Variants in PPARGC1B observed in about 807,000 individuals in gnomAD.
The protein encoded by PPARGC1B is PPARG coactivator 1 beta, also known as peroxisome proliferator-activated receptor gamma coactivator 1-beta.
Under a neutral mutation model 101.6 loss-of-function variants are expected in PPARGC1B, and 34 were observed. The ratio of observed to expected loss-of-function variants is 0.33; its 90% CI spans 0.25 to 0.45. PPARGC1B has a LOEUF of 0.45. PPARGC1B is among the 20% of genes least tolerant of loss of function. PPARGC1B has a pLI of 1.00. For synonymous variants in PPARGC1B, 548 were observed against 539.3 expected (o/e 1.02, Z -0.22); for missense variants, 1,234 against 1,317.6 (o/e 0.94, Z 0.98).
chr5:149,745,326 GT>G (rs777963550), intron 1 of PPARGC1B, among the ~76,000 whole-genome samples: 4 of 152,164 alleles, frequency 2.6e-5, no homozygotes, highest in Non-Finnish European at 4.4e-5. Flanking sequence ...CTAATCAGTG[GT>G]TCTCAGCCAT....
chr5:149,840,547 G>A (rs1031248564), intron 9 of PPARGC1B, among the ~76,000 whole-genome samples: 4 of 152,146 alleles, frequency 2.6e-5, no homozygotes, highest in Non-Finnish European at 5.9e-5. Flanking sequence ...TTGTACGTAA[G>A]GGAGTTGGGC....
intron 1 of PPARGC1B, among the ~76,000 whole-genome samples, chr5:149,789,278 G>A (rs1420105092): frequency 6.6e-6 from 1 of 152,106 alleles, no homozygotes; most frequent in African/African-American, 2.4e-5. Context: ...AACAAATGAG[G>A]GCAACCTTAG....
At chr5:149,754,289 C>T (rs950414813) in intron 1 of PPARGC1B, among the ~76,000 whole-genome samples, 7 of 151,538 alleles carry the variant, frequency 4.6e-5, no homozygotes, top group South Asian at 2.1e-4. Context: ...TATTCCCTCA[C>T]GTGGCCCCGG....
At chr5:149,759,853 G>T (rs911701926) in intron 1 of PPARGC1B, among the ~76,000 whole-genome samples, 7 of 152,248 alleles carry the variant, frequency 4.6e-5, no homozygotes, top group African/African-American at 1.7e-4. Flanking sequence ...TTGAGGCTCA[G>T]AGAGGCAGTG....
At chr5:149,796,488 G>A (rs962084857) in intron 1 of PPARGC1B, among the ~76,000 whole-genome samples, 1 of 152,202 alleles carries the variant, frequency 6.6e-6, no homozygotes, top group Admixed American at 6.5e-5. Flanking sequence ...TGAGCAGTGG[G>A]TGGGTAACAT....
intron 9 of PPARGC1B, 123 bp from the exon 10 acceptor site, chr5:149,842,133 C>T (rs1759367815): frequency 1.9e-5 from 23 of 1,236,898 alleles, no homozygotes; most frequent in South Asian, 1.1e-4. Flanking sequence ...TGACTCCAGC[C>T]GGTATTGCTC....
chr5:149,732,078 G>GCA (rs1491546201), intron 1 of PPARGC1B, among the ~76,000 whole-genome samples: 2 of 146,822 alleles, frequency 1.4e-5, no homozygotes, highest in African/African-American at 5.1e-5. Context: ...GTGTGTGTGT[G>GCA]CACACGCCGC....
intron 1 of PPARGC1B, chr5:149,772,099 G>A (rs1309149148): frequency 1.3e-6 from 2 of 1,585,014 alleles, no homozygotes; most frequent in Admixed American, 1.8e-5. Flanking sequence ...CTGGGTTGGG[G>A]CTGCCCCAGG....
At chr5:149,762,935 C>A (rs1398348418) in intron 1 of PPARGC1B, among the ~76,000 whole-genome samples, 3 of 152,302 alleles carry the variant, frequency 2.0e-5, no homozygotes, top group African/African-American at 7.2e-5. Flanking sequence ...TATAGGTGTG[C>A]ACCATTACAC....
rs953966019 is a variant in PPARGC1B, at chr5:149,850,665, A to G, written c.*3107A>G. 2.0e-5 allele frequency: 3 copies of G among 152,206 alleles called. No homozygotes were observed. The highest frequency in any genetic ancestry group is 4.8e-5 in the African/African-American group (2 of 41,454). 9.4% of individuals were successfully genotyped at this position (152,206 alleles called of 1,614,324 possible). A position where few individuals can be genotyped will look rare whatever the true frequency, so the allele number is the denominator to read the frequency against. On this transcript the variant is annotated 3_prime_UTR_variant, in exon 12 of 12. Transcript: ENST00000309241. ...GAGGGAGCAGCTGCCATTGGCAACC[A>G]TCTCGTTGTAGCTCTGTCCTAGTGT...
intron 9 of PPARGC1B, among the ~76,000 whole-genome samples, chr5:149,841,671 A>G (rs26128): frequency 2.6e-5 from 4 of 152,042 alleles, no homozygotes; most frequent in African/African-American, 9.7e-5. Context: ...AGAGGAGGGG[A>G]AGGGGAGTTC....
chr5:149,816,314 A>G (rs1758051827), intron 1 of PPARGC1B, among the ~76,000 whole-genome samples: 1 of 152,222 alleles, frequency 6.6e-6, no homozygotes, highest in Non-Finnish European at 1.5e-5. Flanking sequence ...CATTTTATGG[A>G]CATTTTGTAA....
At chr5:149,751,835 CT>C (rs971828319) in intron 1 of PPARGC1B, among the ~76,000 whole-genome samples, 2 of 152,190 alleles carry the variant, frequency 1.3e-5, no homozygotes, top group Non-Finnish European at 2.9e-5. Flanking sequence ...CTTGGGCACA[CT>C]TTTCTCACCT....
intron 1 of PPARGC1B, among the ~76,000 whole-genome samples, chr5:149,818,449 G>A (rs1758142201): frequency 6.6e-6 from 1 of 152,162 alleles, no homozygotes; most frequent in Non-Finnish European, 1.5e-5. Flanking sequence ...CTTGCTGCCT[G>A]CTTGAGGACA....
intron 2 of PPARGC1B, among the ~76,000 whole-genome samples, chr5:149,826,393 C>T (rs909800290): frequency 6.6e-6 from 1 of 152,170 alleles, no homozygotes; most frequent in Non-Finnish European, 1.5e-5. Context: ...AGCAGCAGAG[C>T]CCAGAGTGGG....
intron 1 of PPARGC1B, among the ~76,000 whole-genome samples, chr5:149,784,857 G>A (rs207466455): frequency 5.7e-4 from 86 of 152,028 alleles, no homozygotes; most frequent in Non-Finnish European, 9.4e-4. Context: ...GTGAGCCACC[G>A]CGCCCGGTCC....
intron 1 of PPARGC1B, among the ~76,000 whole-genome samples, chr5:149,795,068 G>A (rs1251723307): frequency 6.6e-6 from 1 of 152,224 alleles, no homozygotes; most frequent in African/African-American, 2.4e-5. Flanking sequence ...TTCCTTCCCT[G>A]TATAGTAGAA....
chr5:149,758,214 C>G (rs765955462), intron 1 of PPARGC1B, among the ~76,000 whole-genome samples: 1 of 152,244 alleles, frequency 6.6e-6, no homozygotes, highest in Non-Finnish European at 1.5e-5. Context: ...CTGGGTAACC[C>G]TGCCCTTTGG....
chr5:149,755,913 G>A (rs538035556), intron 1 of PPARGC1B, among the ~76,000 whole-genome samples: 1 of 152,246 alleles, frequency 6.6e-6, no homozygotes, highest in African/African-American at 2.4e-5. Flanking sequence ...CAAAGTGCTG[G>A]GATTACAGGG....
Sources: gnomAD v4.1 joint callset for allele counts (sites outside exome capture counted in the v4.1 genomes callset) on GRCh38, gnomAD v4.1.1 for gene constraint, MANE v1.5 for transcripts, NCBI Gene and HGNC (gene_info 2026-07-23, HGNC 2026-07-21) for gene names.